Variants in KLF12 observed in about 807,000 individuals in gnomAD.
KLF12 encodes Krueppel-like factor 12.
KLF12 carries 9 observed loss-of-function variants against 37.8 expected under a neutral mutation model. The ratio of observed to expected loss-of-function variants is 0.24; its 90% CI spans 0.14 to 0.42. The LOEUF is 0.42. KLF12 is among the 10% of genes least tolerant of loss of function. The probability of loss-of-function intolerance (pLI) is 1.00; values close to 1 mark genes in which losing one functional copy is unlikely to be tolerated. For missense variants in KLF12, 411 were observed against 516.0 expected (o/e 0.80, Z 1.97); for synonymous variants, 208 against 202.1 (o/e 1.03, Z -0.25).
At chr13:74,083,147 G>C (rs1269767160) in intron 1 of KLF12, among the ~76,000 whole-genome samples, 1 of 152,162 alleles carries the variant, frequency 6.6e-6, no homozygotes, top group Non-Finnish European at 1.5e-5. Flanking sequence ...ATCATCTCTA[G>C]ATCATCCATT....
chr13:74,238,840 T>C, the KLF12 span, among the ~76,000 whole-genome samples: 1 of 152,170 alleles, frequency 6.6e-6, no homozygotes, highest in Non-Finnish European at 1.5e-5. Context: ...TTTTTTTCTT[T>C]ATTAGTCTTG....
At chr13:74,127,713 T>G (rs1189548394) in intron 1 of KLF12, among the ~76,000 whole-genome samples, 1 of 152,250 alleles carries the variant, frequency 6.6e-6, no homozygotes, top group Non-Finnish European at 1.5e-5. Context: ...TAAATAGGTA[T>G]TCAATAAATG....
At chr13:73,702,911 G>A (rs17090353) in intron 7 of KLF12, among the ~76,000 whole-genome samples, 9 of 152,064 alleles carry the variant, frequency 5.9e-5, no homozygotes, top group African/African-American at 9.7e-5. Flanking sequence ...ACCTAGAGGC[G>A]GGGAAAGAGC....
chr13:73,843,079 T>A (rs1245678062), intron 4 of KLF12, among the ~76,000 whole-genome samples: 1 of 152,176 alleles, frequency 6.6e-6, no homozygotes, highest in Non-Finnish European at 1.5e-5. Flanking sequence ...TAAACTCTCA[T>A]CCCTTATAAT....
At chr13:74,230,114 G>A in the KLF12 span, among the ~76,000 whole-genome samples, 1 of 150,826 alleles carries the variant, frequency 6.6e-6, no homozygotes, top group Non-Finnish European at 1.5e-5. Flanking sequence ...TAATCCCCAT[G>A]TGTGTTGGGA....
At chr13:73,740,601 G>A (rs1328661314) in intron 6 of KLF12, among the ~76,000 whole-genome samples, 2 of 152,168 alleles carry the variant, frequency 1.3e-5, no homozygotes, top group East Asian at 3.9e-4. Context: ...TTGGCCTCTC[G>A]AGGTGCTGGG....
intron 5 of KLF12, among the ~76,000 whole-genome samples, chr13:73,809,972 G>A (rs986230618): frequency 2.0e-5 from 3 of 152,048 alleles, no homozygotes; most frequent in African/African-American, 7.2e-5. Context: ...TAGGCTGGGC[G>A]CGGTGGCTCA....
intron 5 of KLF12, among the ~76,000 whole-genome samples, chr13:73,804,432 T>C (rs148821185): frequency 6.7e-6 from 1 of 148,590 alleles, no homozygotes; most frequent in East Asian, 2.0e-4. Context: ...TTCATTATAC[T>C]TTTTTTTTTA....
intron 1 of KLF12, among the ~76,000 whole-genome samples, chr13:74,111,647 G>A (rs1876978857): frequency 6.6e-6 from 1 of 151,992 alleles, no homozygotes; most frequent in Non-Finnish European, 1.5e-5. Context: ...TCACCCTAAA[G>A]AACACATTTT....
intron 6 of KLF12, among the ~76,000 whole-genome samples, chr13:73,758,484 A>G (rs1408815312): frequency 6.6e-6 from 1 of 152,146 alleles, no homozygotes; most frequent in Non-Finnish European, 1.5e-5. Flanking sequence ...TATGACGGAG[A>G]TGTTTTATTA....
At chr13:73,984,282 AC>A (rs1474101678) in intron 2 of KLF12, among the ~76,000 whole-genome samples, 1 of 152,104 alleles carries the variant, frequency 6.6e-6, no homozygotes, top group African/African-American at 2.4e-5. Flanking sequence ...GTAGTGAAGC[AC>A]CTGCCGCATG....
the KLF12 span, among the ~76,000 whole-genome samples, chr13:74,170,444 C>T: frequency 6.6e-6 from 1 of 152,188 alleles, no homozygotes; most frequent in African/African-American, 2.4e-5. Context: ...AATACAATAC[C>T]AGAAATATAC....
intron 1 of KLF12, among the ~76,000 whole-genome samples, chr13:74,130,151 G>A (rs111429361): frequency 1.2e-4 from 19 of 152,288 alleles, no homozygotes; most frequent in African/African-American, 3.6e-4. Context: ...GTTATAGGGC[G>A]TTGCCAGTGA....
At chr13:73,860,487 C>A (rs1272897405) in intron 3 of KLF12, among the ~76,000 whole-genome samples, 3 of 152,112 alleles carry the variant, frequency 2.0e-5, no homozygotes, top group Non-Finnish European at 4.4e-5. Flanking sequence ...GTAATCACAG[C>A]ACTTTAGGAG....
At chr13:74,248,376 C>T in the KLF12 span, among the ~76,000 whole-genome samples, 1 of 152,154 alleles carries the variant, frequency 6.6e-6, no homozygotes, top group Non-Finnish European at 1.5e-5. Context: ...ACTATTTGCA[C>T]TTTTATTATA....
In KLF12 at chr13:74,050,223, T is replaced by A. The variant is rs571394322; in HGVS notation, c.-31-55170A>T. Among the ~76,000 whole-genome samples, 3 of 152,298 alleles carry A rather than the reference T, an allele frequency of 2.0e-5. No individual in the cohort carries two copies. In the East Asian group the frequency reaches 5.8e-4, roughly 29 times the overall value. Reference sequence around the variant, plus strand: ...GAATCTTAATGGCATCCCAATGTAATCTAGAGTGGAAGGATGCTTTGAAAT... The same window carrying A: ...GAATCTTAATGGCATCCCAATGTAAACTAGAGTGGAAGGATGCTTTGAAAT... On this transcript the variant is annotated intron_variant, in intron 1 of 7. Coordinates refer to ENST00000377669, the MANE Select transcript of KLF12 (RefSeq NM_007249.5).
In KLF12 at chr13:73,850,894, C is replaced by A. The variant is rs1358782488; in HGVS notation, c.124-4521G>T. ...TAACATTACATAGCTCATGGCTTAA[C>A]TGTCACAAGAATCTTTGTTTTGTAT... On this transcript the variant is annotated intron_variant, in intron 3 of 7. Coordinates refer to ENST00000377669, the MANE Select transcript of KLF12 (RefSeq NM_007249.5). Among the ~76,000 whole-genome samples the A allele has an allele frequency of 1.4e-4, 21 of 152,220 alleles. 1 individual carries two copies.
At chr13:73,809,311 G>GT (rs35517935) in intron 5 of KLF12, among the ~76,000 whole-genome samples, 93 of 151,534 alleles carry the variant, frequency 6.1e-4, no homozygotes, top group Non-Finnish European at 1.2e-3. Context: ...AATGTTTGGG[G>GT]TTTTTTTTGT....
At chr13:74,293,030 T>C in the KLF12 span, among the ~76,000 whole-genome samples, 1 of 152,208 alleles carries the variant, frequency 6.6e-6, no homozygotes, top group South Asian at 2.1e-4. Flanking sequence ...AACAGGCACA[T>C]AGGTGCAATG....
Sources: gnomAD v4.1 joint callset for allele counts (sites outside exome capture counted in the v4.1 genomes callset) on GRCh38, gnomAD v4.1.1 for gene constraint, MANE v1.5 for transcripts, NCBI Gene and HGNC (gene_info 2026-07-23, HGNC 2026-07-21) for gene names.